Variants in CYP4X1 observed in about 807,000 individuals in gnomAD.
CYP4X1 encodes cytochrome P450 family 4 subfamily X member 1, also known as cytochrome P450 4X1.
Under a neutral mutation model 57.9 loss-of-function variants are expected in CYP4X1, and 44 were observed. The observed-to-expected ratio is 0.76, with a 90% CI of 0.60 to 0.98. CYP4X1 has a LOEUF of 0.98. Ranked by LOEUF, CYP4X1 falls within the 50% of genes least tolerant of loss-of-function variation. The probability of loss-of-function intolerance (pLI) is 0.00; values close to 1 mark genes in which losing one functional copy is unlikely to be tolerated. For missense variants in CYP4X1, 532 were observed against 623.9 expected (o/e 0.85, Z 1.57); for synonymous variants, 227 against 228.6 (o/e 0.99, Z 0.06).
chr1:46,993,248 C>G, the CYP4X1 span, among the ~76,000 whole-genome samples: 2 of 152,012 alleles, frequency 1.3e-5, no homozygotes, highest in Admixed American at 1.3e-4. Context: ...CATGTCCCTA[C>G]AAAGGACATG....
intron 1 of CYP4X1, among the ~76,000 whole-genome samples, chr1:47,027,036 T>A (rs561826395): frequency 6.6e-6 from 1 of 152,290 alleles, no homozygotes; most frequent in South Asian, 2.1e-4. Context: ...TTTTTAACGA[T>A]GTTTTTGTAT....
chr1:46,986,432 AG>A, the CYP4X1 span, among the ~76,000 whole-genome samples: 1 of 152,248 alleles, frequency 6.6e-6, no homozygotes, highest in African/African-American at 2.4e-5. Flanking sequence ...AGTGACAGAG[AG>A]AATGGAACCC....
chr1:46,980,969 A>G, the CYP4X1 span, among the ~76,000 whole-genome samples: 1 of 152,232 alleles, frequency 6.6e-6, no homozygotes, highest in Non-Finnish European at 1.5e-5. Flanking sequence ...TGCACCTTAT[A>G]CAAAATTTAA....
downstream of CYP4X1, among the ~76,000 whole-genome samples, chr1:47,054,326 G>T (rs199771263): frequency 9.8e-5 from 15 of 152,294 alleles, no homozygotes; most frequent in East Asian, 2.7e-3. Flanking sequence ...CTGTAGCCTT[G>T]TAGTATAGTC....
At chr1:47,040,475 G>T (rs1270375874) in intron 8 of CYP4X1, among the ~76,000 whole-genome samples, 2 of 152,094 alleles carry the variant, frequency 1.3e-5, no homozygotes, top group Non-Finnish European at 2.9e-5. Context: ...TATTTCATAT[G>T]CAAAAGTCAA....
At chr1:46,983,458 C>T in the CYP4X1 span, among the ~76,000 whole-genome samples, 1 of 152,222 alleles carries the variant, frequency 6.6e-6, no homozygotes, top group Non-Finnish European at 1.5e-5. Flanking sequence ...ACAGCAAGGG[C>T]AGTTCCACTG....
the CYP4X1 span, among the ~76,000 whole-genome samples, chr1:47,010,074 A>T: frequency 6.6e-6 from 1 of 152,222 alleles, no homozygotes; most frequent in Admixed American, 6.5e-5. Flanking sequence ...GGCCAGCATC[A>T]TCCTGATACC....
At chr1:47,036,366 A>ATT (rs1491217436) in intron 6 of CYP4X1, among the ~76,000 whole-genome samples, 195 bp downstream of exon 6, 1 of 139,622 alleles carries the variant, frequency 7.2e-6, no homozygotes, top group East Asian at 2.6e-4. Flanking sequence ...TATTATCAGA[A>ATT]TTTTTATATA....
chr1:46,980,461 C>A, the CYP4X1 span, among the ~76,000 whole-genome samples: 1 of 152,152 alleles, frequency 6.6e-6, no homozygotes, highest in African/African-American at 2.4e-5. Flanking sequence ...CAAACCACTG[C>A]TCAATGAAAT....
At chr1:46,999,026 T>TGTGTG in the CYP4X1 span, among the ~76,000 whole-genome samples, 832 of 143,316 alleles carry the variant, frequency 5.8e-3, 10 homozygotes, top group African/African-American at 0.02. Context: ...CTTGCTTTCT[T>TGTGTG]TGTGTGTGTG....
At chr1:47,029,134 A>G (rs1195229351) in intron 1 of CYP4X1, among the ~76,000 whole-genome samples, 1 of 152,216 alleles carries the variant, frequency 6.6e-6, no homozygotes, top group Non-Finnish European at 1.5e-5. Flanking sequence ...ACACGAGGAA[A>G]AATCTGGCAG....
rs781580653 is a variant in CYP4X1 at position 47,031,498 on chromosome 1, A to G, written c.364+18A>G. Reference sequence around the variant, plus strand: ...ACTTCTTGGTATGTATGTGCAAATGAGAGGTATAACCCACTCTCATTCAAA... The same window carrying G: ...ACTTCTTGGTATGTATGTGCAAATGGGAGGTATAACCCACTCTCATTCAAA... On this transcript the variant is annotated intron_variant, in intron 3 of 11. Coordinates refer to ENST00000371901, the MANE Select transcript of CYP4X1 (RefSeq NM_178033.2). 2 of 1,613,746 alleles carry G rather than the reference A, an allele frequency of 1.2e-6. No individual in the cohort carries two copies. The highest frequency in any genetic ancestry group is 1.7e-6 in the Non-Finnish European group (2 of 1,179,766).
chr1:46,986,919 A>C, the CYP4X1 span, among the ~76,000 whole-genome samples: 2 of 152,244 alleles, frequency 1.3e-5, no homozygotes, highest in South Asian at 4.1e-4. Context: ...AGCCACTGCA[A>C]AAATATACCA....
At chr1:46,966,012 G>T in the CYP4X1 span, among the ~76,000 whole-genome samples, 1 of 152,224 alleles carries the variant, frequency 6.6e-6, no homozygotes, top group Non-Finnish European at 1.5e-5. Flanking sequence ...GTGCTGCTTT[G>T]TGGGAGATCC....
rs1644295292 is a variant in CYP4X1, at chr1:47,045,860, CT to C, written c.1074-604del. 2.6e-5 allele frequency among the ~76,000 whole-genome samples: 4 copies of C among 152,306 alleles called. No individual in the cohort carries two copies. In the South Asian group the frequency reaches 8.3e-4, roughly 32 times the overall value. On this transcript the variant is annotated intron_variant, in intron 8 of 11. Transcript: ENST00000371901. ...ACTCTTTTTCAAGCTGGTCCCAGAGCTTTCCCTCTTGCCAGTTAATTGGTTT... is the reference window on the plus strand; with the variant it reads ...ACTCTTTTTCAAGCTGGTCCCAGAGCTTCCCTCTTGCCAGTTAATTGGTTT...
chr1:47,053,819 G>C (rs180845524), downstream of CYP4X1, among the ~76,000 whole-genome samples: 1,747 of 152,016 alleles, frequency 0.011, 40 homozygotes, highest in African/African-American at 0.04. Context: ...TGGATATTAG[G>C]CCTTTGTCAG....
At chr1:46,990,007 A>G in the CYP4X1 span, among the ~76,000 whole-genome samples, 1 of 152,270 alleles carries the variant, frequency 6.6e-6, no homozygotes, top group African/African-American at 2.4e-5. Context: ...CTCATGACTA[A>G]AACACCAAAA....
the CYP4X1 span, among the ~76,000 whole-genome samples, chr1:46,974,500 T>C: frequency 6.6e-6 from 1 of 152,196 alleles, no homozygotes; most frequent in African/African-American, 2.4e-5. Context: ...TCTGCCTCAA[T>C]GATCTGTCCA....
At chr1:47,030,741 AG>A (rs1343418992) in intron 2 of CYP4X1, among the ~76,000 whole-genome samples, 6 of 152,212 alleles carry the variant, frequency 3.9e-5, no homozygotes, top group Admixed American at 3.9e-4. Flanking sequence ...TGTAAAAGGA[AG>A]GTTTTTATAT....
Sources: gnomAD v4.1 joint callset for allele counts (sites outside exome capture counted in the v4.1 genomes callset) on GRCh38, gnomAD v4.1.1 for gene constraint, MANE v1.5 for transcripts, NCBI Gene and HGNC (gene_info 2026-07-23, HGNC 2026-07-21) for gene names.